BMPR1A: variants seen among roughly 807,000 people sequenced by gnomAD.
The protein encoded by BMPR1A is bone morphogenetic protein receptor type-1A.
Under a neutral mutation model 66.0 loss-of-function variants are expected in BMPR1A, and 7 were observed. The ratio of observed to expected loss-of-function variants is 0.11; its 90% CI spans 0.06 to 0.20. BMPR1A has a LOEUF of 0.20. Ranked by LOEUF, BMPR1A falls within the 10% of genes least tolerant of loss-of-function variation. The pLI is 1.00. For missense variants in BMPR1A, 408 were observed against 669.1 expected (o/e 0.61, Z 4.31); for synonymous variants, 200 against 229.7 (o/e 0.87, Z 1.17).
In BMPR1A at chr10:86,772,129, T is replaced by TG. The variant is rs1314580965; in HGVS notation, c.-268+15210_-268+15211insG. ...AATTGGCGATGGTCAGAGATAGGTT[T>TG]TTTTTTTTTTTTTTTTTTTGAGACA... On this transcript the variant is annotated intron_variant, in intron 1 of 12. Transcript: ENST00000372037. 8.8e-3 allele frequency among the ~76,000 whole-genome samples: 1,247 copies of TG among 141,202 alleles called. 21 individuals are homozygous for TG. Among genetic ancestry groups the TG allele is most frequent in the African/African-American group, 0.031 (1,172 of 37,414 alleles). 92.6% of individuals were successfully genotyped at this position (141,202 alleles called of 152,430 possible). A position where few individuals can be genotyped will look rare whatever the true frequency, so the allele number is the denominator to read the frequency against.
At chr10:86,901,853 T>C (rs1213415973) in intron 7 of BMPR1A, among the ~76,000 whole-genome samples, 1 of 151,990 alleles carries the variant, frequency 6.6e-6, no homozygotes, top group African/African-American at 2.4e-5. Flanking sequence ...CACTGTAATG[T>C]ATATATTATT....
intron 1 of BMPR1A, among the ~76,000 whole-genome samples, chr10:86,791,228 T>C (rs1462077145): frequency 1.3e-5 from 2 of 152,112 alleles, no homozygotes; most frequent in Non-Finnish European, 2.9e-5. Context: ...TTTTTTTTTT[T>C]TTGAGACAAA....
intron 1 of BMPR1A, among the ~76,000 whole-genome samples, chr10:86,830,796 T>C (rs1842258008): frequency 6.6e-6 from 1 of 152,190 alleles, no homozygotes; most frequent in African/African-American, 2.4e-5. Flanking sequence ...CTTAAACAGG[T>C]CTTTTGTAGA....
intron 3 of BMPR1A, among the ~76,000 whole-genome samples, chr10:86,877,663 A>G (rs930776605): frequency 2.0e-5 from 3 of 152,236 alleles, no homozygotes; most frequent in Non-Finnish European, 4.4e-5. Context: ...TTTACTTGTG[A>G]AACACCAAAT....
At chr10:86,784,102 CT>C (rs961160730) in intron 1 of BMPR1A, among the ~76,000 whole-genome samples, 45 of 152,122 alleles carry the variant, frequency 3.0e-4, no homozygotes, top group African/African-American at 1.0e-3. Context: ...ATTTGGATGC[CT>C]TTTTTTCTTG....
intron 7 of BMPR1A, among the ~76,000 whole-genome samples, chr10:86,901,909 G>T (rs1843315933): frequency 8.6e-6 from 1 of 115,706 alleles, no homozygotes; most frequent in Admixed American, 7.8e-5. Flanking sequence ...CTGTCTCCCA[G>T]GTGGAGTGCA....
At position 86,900,098 on chromosome 10, in the gene BMPR1A, A is replaced by T; in HGVS notation, c.502A>T (p.Ile168Phe). Residue 168 changes from isoleucine (I) to phenylalanine (F), a missense_variant, in exon 7 of 13, where the codon ATC becomes TTC. By Grantham distance (21) the Ile-to-Phe change is conservative. Around this residue, in one of 5 missense-constraint regions of BMPR1A, gnomAD observed 174 missense variants for 265.1 expected, o/e 0.66. Coordinates refer to ENST00000372037, the MANE Select transcript of BMPR1A (RefSeq NM_004329.3). ...TATGGCTGTCTGCATAATTGCTATGATCATCTTCTCCAGCTGCTTTTGTTA... is the reference window on the plus strand; with the variant it reads ...TATGGCTGTCTGCATAATTGCTATGTTCATCTTCTCCAGCTGCTTTTGTTA... Reference protein sequence around the residue: ...ISMAVCIIAMIIFSSCFCYKH... With the variant: ...ISMAVCIIAMFIFSSCFCYKH... 1 of 1,613,958 alleles carries T rather than the reference A, an allele frequency of 6.2e-7. No individual in the cohort carries two copies. The highest frequency in any genetic ancestry group is 2.2e-5 in the East Asian group (1 of 44,888).
At chr10:86,788,113 A>G (rs1054217505) in intron 1 of BMPR1A, among the ~76,000 whole-genome samples, 1 of 152,204 alleles carries the variant, frequency 6.6e-6, no homozygotes, top group Non-Finnish European at 1.5e-5. Flanking sequence ...ATGGCATACT[A>G]TATTCCTAAT....
chr10:86,896,723 A>G (rs1843228820), intron 5 of BMPR1A, among the ~76,000 whole-genome samples: 1 of 152,226 alleles, frequency 6.6e-6, no homozygotes, highest in African/African-American at 2.4e-5. Flanking sequence ...TTCTATGTCA[A>G]AGTGTCATTA....
chr10:86,862,395 A>G (rs1470970107), intron 2 of BMPR1A, among the ~76,000 whole-genome samples: 1 of 152,190 alleles, frequency 6.6e-6, no homozygotes, highest in Non-Finnish European at 1.5e-5. Flanking sequence ...AACACCTATT[A>G]GGCTGGAACG....
At position 86,912,277 on chromosome 10, in the gene BMPR1A, A is replaced by G. The variant is rs771444196; in HGVS notation, c.568A>G (p.Asn190Asp). The stretch of plus-strand genomic sequence containing the variant: ...GAGCATCTCAAGCAGACGTCGTTAC[A>G]ATCGTGATTTGGAACAGGATGAAGC... Reference protein sequence around the residue: ...CKSISSRRRYNRDLEQDEAFI... With the variant: ...CKSISSRRRYDRDLEQDEAFI... Residue 190 changes from asparagine (N) to aspartate (D), a missense_variant, in exon 8 of 13, where the codon AAT becomes GAT. Around this residue, in one of 5 missense-constraint regions of BMPR1A, gnomAD observed 174 missense variants for 265.1 expected, o/e 0.66. Transcript: ENST00000372037. 7 of 1,613,950 alleles carry G rather than the reference A, an allele frequency of 4.3e-6. No individual in the cohort carries two copies. In the Admixed American group the frequency reaches 5.0e-5, roughly 12 times the overall value.
intron 1 of BMPR1A, among the ~76,000 whole-genome samples, chr10:86,800,060 C>T (rs1429870395): frequency 6.6e-6 from 1 of 152,076 alleles, no homozygotes; most frequent in African/African-American, 2.4e-5. Context: ...AAACTAGTGA[C>T]CTGTCAGTTG....
At chr10:86,795,310 A>G (rs192066499) in intron 1 of BMPR1A, among the ~76,000 whole-genome samples, 184 of 152,216 alleles carry the variant, frequency 1.2e-3, no homozygotes, top group African/African-American at 4.3e-3. Context: ...TGGTTAGTAG[A>G]CATTTTACTC....
intron 1 of BMPR1A, among the ~76,000 whole-genome samples, chr10:86,799,386 GGCACACTGCAGGT>G (rs2132849232): frequency 6.6e-6 from 1 of 152,066 alleles, no homozygotes; most frequent in Admixed American, 6.6e-5. Flanking sequence ...TAATGTGCTG[GGCACACTGCAGGT>G]GCTCTACAAA....
chr10:86,774,048 A>G (rs796485617), intron 1 of BMPR1A, among the ~76,000 whole-genome samples: 7 of 151,984 alleles, frequency 4.6e-5, no homozygotes, highest in African/African-American at 1.7e-4. Context: ...ACAGGGTTTC[A>G]CCATAATGGC....
At chr10:86,788,500 G>A (rs1841550405) in intron 1 of BMPR1A, among the ~76,000 whole-genome samples, 1 of 152,196 alleles carries the variant, frequency 6.6e-6, no homozygotes, top group Non-Finnish European at 1.5e-5. Flanking sequence ...ACTCCTAGAG[G>A]TGCACAAGCA....
intron 1 of BMPR1A, among the ~76,000 whole-genome samples, chr10:86,828,793 A>AT (rs1842230268): frequency 1.3e-4 from 19 of 142,420 alleles, no homozygotes; most frequent in East Asian, 9.6e-4. Flanking sequence ...TATAAAAAAA[A>AT]AATATATATA....
chr10:86,894,806 T>C (rs773684678), intron 5 of BMPR1A, among the ~76,000 whole-genome samples: 1 of 152,204 alleles, frequency 6.6e-6, no homozygotes, highest in Non-Finnish European at 1.5e-5. Flanking sequence ...GATTCTTTAA[T>C]AGAGCAGTCT....
At chr10:86,782,182 A>C (rs1431888855) in intron 1 of BMPR1A, among the ~76,000 whole-genome samples, 1 of 152,138 alleles carries the variant, frequency 6.6e-6, no homozygotes, top group East Asian at 1.9e-4. Context: ...TTTAGGGCTG[A>C]ATAATATCCA....
Sources: gnomAD v4.1 joint callset for allele counts (sites outside exome capture counted in the v4.1 genomes callset) on GRCh38, gnomAD v4.1.1 for gene constraint, gnomAD v4.1.1 regional missense constraint, MANE v1.5 for transcripts, NCBI Gene and HGNC (gene_info 2026-07-23, HGNC 2026-07-21) for gene names.